CP: variants seen among roughly 807,000 people sequenced by gnomAD.
The protein encoded by CP is caeruloplasmin.
CP carries 64 observed loss-of-function variants against 122.4 expected under a neutral mutation model. The ratio of observed to expected loss-of-function variants is 0.52; its 90% CI spans 0.43 to 0.64. The LOEUF is 0.64. Ranked by LOEUF, CP falls within the 30% of genes least tolerant of loss-of-function variation. The probability of loss-of-function intolerance (pLI) is 0.00; values close to 1 mark genes in which losing one functional copy is unlikely to be tolerated. For synonymous variants in CP, 440 were observed against 436.4 expected, an observed-to-expected ratio of 1.01 and a Z score of -0.10; for missense variants, 1,167 against 1,284.4, an observed-to-expected ratio of 0.91 and a Z score of 1.40.
chr3:149,198,564 C>T lies in CP; in HGVS notation c.1516G>A (p.Ala506Thr), dbSNP rs753906736. The change falls in exon 9 of 19, where the codon GCC (alanine) becomes ACC (threonine). Residue 506 changes from alanine to threonine, a missense_variant. By Grantham distance (58) the Ala-to-Thr change is moderately conservative. Coordinates refer to ENST00000264613, the MANE Select transcript of CP (RefSeq NM_000096.4). Reference sequence around the variant, plus strand: ...GTTTCTGTGGGTGCCACATGGGAGGCTGAAGGAGGCACACCTGTGAGAAAG... The same window carrying T: ...GTTTCTGTGGGTGCCACATGGGAGGTTGAAGGAGGCACACCTGTGAGAAAG... ...NPQSRSVPPS[A>T]SHVAPTETFT... 4.1e-5 allele frequency: 66 copies of T among 1,613,756 alleles called. No individual in the cohort carries two copies. The highest frequency in any genetic ancestry group is 5.4e-5 in the Non-Finnish European group (64 of 1,179,868).
In CP at chr3:149,179,830, AGGAATTTAGTTTTAAGATGAACT is replaced by A. The variant is rs149824240; in HGVS notation, c.2555-191_2555-169del. On this transcript the variant is annotated intron_variant, in intron 14 of 18. Transcript: ENST00000264613. ...AATTGTGGTACTCAAGATTGTTTTC[AGGAATTTAGTTTTAAGATGAACT>A]GGAAGACAAAATTTTGTCATTTTTT... is the stretch of plus-strand genomic sequence containing the variant. 2,295 of 595,970 alleles carry A rather than the reference AGGAATTTAGTTTTAAGATGAACT, an allele frequency of 3.9e-3. 44 individuals carry two copies. The African/African-American group carries it at 0.039, about 10-fold the overall frequency. The allele number at this position is 595,970 out of a possible 1,614,324, so 36.9% of individuals were successfully genotyped here.
intron 3 of CP, among the ~76,000 whole-genome samples, chr3:149,209,864 A>G (rs1201141432): frequency 6.6e-6 from 1 of 152,210 alleles, no homozygotes; most frequent in Non-Finnish European, 1.5e-5. Context: ...TGGTAGTCAC[A>G]TTTGGTAAAG....
chr3:149,186,136 G>A (rs4974389), intron 11 of CP: 129,833 of 285,278 alleles, frequency 0.46, 32,364 homozygotes, highest in East Asian at 0.54. Flanking sequence ...CAACCAACAA[G>A]CCAACACTAC....
rs1310224806 is a variant in CP, at chr3:149,209,215, C to T, written c.777G>A (p.Met259Ile). The T allele has an allele frequency of 5.0e-6, 8 of 1,613,538 alleles. No individual in the cohort carries two copies. Among genetic ancestry groups the T allele is most frequent in the Non-Finnish European group, 6.8e-6 (8 of 1,179,672 alleles). ...ACATGTCTGCTGTAATCTTACAATA[C>T]ATTCTGTTACTCTCCTGGAAGTCTT... ...DNEDFQESNR[M>I]YSVNGYTFGS... Residue 259 changes from methionine to isoleucine, a missense_variant, in exon 4 of 19, where the codon ATG becomes ATA. Around this residue, in one of 2 missense-constraint regions of CP, gnomAD observed 642 missense variants for 627.3 expected, o/e 1.02. Transcript: ENST00000264613.
At chr3:149,166,911 T>G in intron 4 of CP, 1 of 768,852 alleles carries the variant, frequency 1.3e-6, no homozygotes, top group Non-Finnish European at 2.3e-6. Context: ...TGTGCTCTAA[T>G]ATGGCATTCT....
rs149319220 is a variant in CP at position 149,178,541 on chromosome 3, G to A, written c.2752C>T (p.Leu918Phe). ...TTCTCATCAAAAACTAGAAACAGAA[G>A]GGCAAATTCCAGTTTCCTTCTGGGA... is the stretch of plus-strand genomic sequence containing the variant. ...FNPRRKLEFA[L>F]LFLVFDENES... Residue 918 changes from leucine (L) to phenylalanine (F), a missense_variant, in exon 16 of 19, where the codon CTT becomes TTT. By Grantham distance (22) the Leu-to-Phe change is conservative. Transcript: ENST00000264613. 1 of 1,612,824 alleles carries A rather than the reference G, an allele frequency of 6.2e-7. No individual in the cohort carries two copies. The highest frequency in any genetic ancestry group is 1.3e-5 in the African/African-American group (1 of 74,784).
intron 10 of CP, 93 bp downstream of exon 10, chr3:149,187,959 A>G (rs908266215): frequency 8.8e-6 from 12 of 1,360,160 alleles, no homozygotes; most frequent in Admixed American, 6.9e-5. Flanking sequence ...AAAATAATCA[A>G]TGAGCAAAGC....
At chr3:149,216,666 A>G (rs1460986730) in intron 1 of CP, among the ~76,000 whole-genome samples, 1 of 152,200 alleles carries the variant, frequency 6.6e-6, no homozygotes, top group Non-Finnish European at 1.5e-5. Flanking sequence ...GACTCAACCT[A>G]GGTATATATA....
chr3:149,195,897 CA>C lies in CP; in HGVS notation c.1713+2469del, dbSNP rs200276718. Reference sequence around the variant, plus strand: ...AAAAAAAAAGAATAAACTATAAAGCCAAAAAAAAAGGTAACTATGTGAGGTA... The same window carrying C: ...AAAAAAAAAGAATAAACTATAAAGCCAAAAAAAAGGTAACTATGTGAGGTA... On this transcript the variant is annotated intron_variant, in intron 9 of 18. Coordinates refer to ENST00000264613, the MANE Select transcript of CP (RefSeq NM_000096.4). Among the ~76,000 whole-genome samples, 11 of 147,918 alleles carry C rather than the reference CA, an allele frequency of 7.4e-5. No individual in the cohort carries two copies. In the East Asian group the frequency reaches 9.8e-4, roughly 13 times the overall value.
intron 5 of CP, among the ~76,000 whole-genome samples, chr3:149,164,627 C>T (rs1459195800): frequency 1.3e-5 from 2 of 152,162 alleles, no homozygotes; most frequent in African/African-American, 4.8e-5. Context: ...TAGGTGCTAA[C>T]ATACAAAACT....
chr3:149,164,783 G>A lies in CP; in HGVS notation c.*13+1163C>T, dbSNP rs371594796. On this transcript the variant is annotated intron_variant, in intron 5 of 5. Coordinates refer to the CP transcript ENST00000479771. ...TGGGCAGTGCTCACACTGTCCTCCC[G>A]CACAGTTATCATCTTTGTGGCATCC... Among the ~76,000 whole-genome samples the A allele has an allele frequency of 7.2e-4, 109 of 152,244 alleles. 4 individuals are homozygous for A. The South Asian group carries it at 0.013, about 18-fold the overall frequency.
chr3:149,182,091 A>G lies in CP; in HGVS notation c.2468T>C (p.Ile823Thr). 6.2e-7 allele frequency: 1 copy of G among 1,612,426 alleles called. No homozygotes were observed. The highest frequency in any genetic ancestry group is 8.5e-7 in the Non-Finnish European group (1 of 1,179,778). Reference sequence around the variant, plus strand: ...GGGCCTTGTGGCCATGTTTTTAAAGATAATTTTGACTTTGTCTCCAACATC... The same window carrying G: ...GGGCCTTGTGGCCATGTTTTTAAAGGTAATTTTGACTTTGTCTCCAACATC... ...HADVGDKVKI[I>T]FKNMATRPYS... is the part of the protein sequence containing the mutation. The change falls in exon 14 of 19, where the codon ATC becomes ACC. Residue 823 changes from isoleucine to threonine, a missense_variant. Ile to Thr is a moderately conservative substitution (Grantham distance 89). Coordinates refer to ENST00000264613, the MANE Select transcript of CP (RefSeq NM_000096.4).
chr3:149,179,714 A>G (rs1725658985), intron 14 of CP, 52 bp from the exon 15 acceptor site: 2 of 471,936 alleles, frequency 4.2e-6, no homozygotes, highest in African/African-American at 3.3e-5. Flanking sequence ...TATATTGTAC[A>G]CACACACACA....
At chr3:149,186,466 A>T in intron 11 of CP, 54 bp downstream of exon 11, 2 of 1,555,274 alleles carry the variant, frequency 1.3e-6, no homozygotes, top group Non-Finnish European at 1.8e-6. Flanking sequence ...ACAGGATTTT[A>T]AACCAAAACT....
intron 14 of CP, among the ~76,000 whole-genome samples, chr3:149,180,490 A>G (rs1725706941): frequency 6.6e-6 from 1 of 152,062 alleles, no homozygotes. Context: ...CCCACTCACC[A>G]ATCCCAGCCA....
intron 11 of CP, among the ~76,000 whole-genome samples, chr3:149,185,759 C>G (rs1452409107): frequency 2.0e-5 from 3 of 152,196 alleles, no homozygotes; most frequent in African/African-American, 7.2e-5. Context: ...TTTCCCCTCT[C>G]AGTCACCATC....
At chr3:149,172,484 C>T, downstream of CP, 2 of 327,978 alleles carry the variant, frequency 6.1e-6, no homozygotes, top group Non-Finnish European at 1.2e-5. Flanking sequence ...AAGAATTCCT[C>T]AAAGAAGCCA....
At position 149,186,313 on chromosome 3, in the gene CP, C is replaced by G; in HGVS notation, c.2077+207G>C. On this transcript the variant is annotated intron_variant, in intron 11 of 18. Transcript: ENST00000264613. ...GAAAACCACACCATGTTCTTTTACT[C>G]CACATTGTCCTCAGTAACTAGGAAA... 5.0e-6 allele frequency: 3 copies of G among 600,110 alleles called. No homozygotes were observed. The South Asian group carries it at 5.9e-5, about 12-fold the overall frequency. The allele number at this position is 600,110 out of a possible 1,614,324, so 37.2% of individuals were successfully genotyped here.
rs947307976 is a variant in CP, at chr3:149,177,634, T to C, written c.3018+206A>G. 2.6e-5 allele frequency among the ~76,000 whole-genome samples: 4 copies of C among 152,276 alleles called. No individual in the cohort carries two copies. In the East Asian group the frequency reaches 5.8e-4, roughly 22 times the overall value. On this transcript the variant is annotated intron_variant, in intron 17 of 18. Transcript: ENST00000264613. Reference sequence around the variant, plus strand: ...TAGTACTCAGTGCAGCAGATCCAAGTTTTGCTTTTTGGAACTTAGTGGAAT... The same window carrying C: ...TAGTACTCAGTGCAGCAGATCCAAGCTTTGCTTTTTGGAACTTAGTGGAAT...
Sources: allele counts gnomAD v4.1 joint callset (sites outside exome capture counted in the v4.1 genomes callset), GRCh38; gene constraint gnomAD v4.1.1; regional missense constraint gnomAD v4.1.1; transcripts MANE v1.5; gene names NCBI Gene and HGNC (gene_info 2026-07-23, HGNC 2026-07-21).